ASIC2: variants seen among roughly 807,000 people sequenced by gnomAD.
The protein encoded by ASIC2 is acid sensing ion channel subunit 2, also known as acid-sensing ion channel 2.
In ASIC2, 25 loss-of-function variants were observed where a neutral mutation model predicts 57.3. The observed-to-expected ratio is 0.44, with a 90% CI of 0.32 to 0.61. The LOEUF is 0.61. Ranked by LOEUF, ASIC2 falls within the 20% of genes least tolerant of loss-of-function variation. The pLI, the probability that ASIC2 is intolerant of heterozygous loss-of-function variation, is 0.06. For missense variants in ASIC2, 641 were observed against 738.1 expected, an observed-to-expected ratio of 0.87 and a Z score of 1.52; for synonymous variants, 319 against 307.5, an observed-to-expected ratio of 1.04 and a Z score of -0.39.
chr17:33,412,923 G>C (rs546106800), intron 1 of ASIC2, among the ~76,000 whole-genome samples: 65 of 152,322 alleles, frequency 4.3e-4, no homozygotes, highest in Non-Finnish European at 6.5e-4. Context: ...GATGAGAAGA[G>C]CGTGCAAGGA....
At chr17:33,422,129 G>A (rs1911064883) in intron 1 of ASIC2, among the ~76,000 whole-genome samples, 1 of 152,144 alleles carries the variant, frequency 6.6e-6, no homozygotes, top group African/African-American at 2.4e-5. Context: ...AAAATCACTC[G>A]CTTCCTGAGC....
intron 1 of ASIC2, among the ~76,000 whole-genome samples, chr17:33,471,394 A>G (rs1487338247): frequency 3.3e-5 from 5 of 152,200 alleles, no homozygotes; most frequent in Non-Finnish European, 5.9e-5. Flanking sequence ...GTGGGATTTC[A>G]TTAATTATTT....
At chr17:33,721,741 T>A (rs1269192305) in intron 1 of ASIC2, among the ~76,000 whole-genome samples, 2 of 152,224 alleles carry the variant, frequency 1.3e-5, no homozygotes, top group African/African-American at 4.8e-5. Context: ...AAGATGCTAT[T>A]TGAATAGAGG....
intron 1 of ASIC2, among the ~76,000 whole-genome samples, chr17:33,347,336 G>A (rs1907988135): frequency 6.6e-6 from 1 of 152,196 alleles, no homozygotes; most frequent in Admixed American, 6.5e-5. Flanking sequence ...GAGTATGTGT[G>A]TAAGTATTTT....
Position 33,656,763 on chromosome 17 carries a change from A to G in ASIC2, c.555+499215T>C, listed in dbSNP as rs190573328. Among the ~76,000 whole-genome samples the G allele has an allele frequency of 6.0e-3, 908 of 152,236 alleles. 9 individuals carry two copies. Among genetic ancestry groups the G allele is most frequent in the Non-Finnish European group, 0.011 (721 of 68,024 alleles). ...CTTTATCCCCTCCTGAGTTATAATC[A>G]TCTGTTTACTTACTTGTTTCTCTAA... On this transcript the variant is annotated intron_variant, in intron 1 of 9. Transcript: ENST00000359872.
chr17:33,977,304 A>G (rs996917919), intron 1 of ASIC2, among the ~76,000 whole-genome samples: 1 of 152,218 alleles, frequency 6.6e-6, no homozygotes, highest in Non-Finnish European at 1.5e-5. Context: ...AAAGTGCTGA[A>G]TAATGAAACC....
intron 1 of ASIC2, among the ~76,000 whole-genome samples, chr17:33,550,929 G>C (rs1000018406): frequency 3.3e-5 from 5 of 152,148 alleles, no homozygotes; most frequent in Non-Finnish European, 7.3e-5. Context: ...AATTGTAGTG[G>C]AACAAGAACG....
intron 1 of ASIC2, among the ~76,000 whole-genome samples, chr17:34,026,599 G>T (rs981957107): frequency 1.3e-5 from 2 of 152,068 alleles, no homozygotes; most frequent in African/African-American, 2.4e-5. Flanking sequence ...TAATTTCATT[G>T]TTCCTCATTG....
intron 1 of ASIC2, among the ~76,000 whole-genome samples, chr17:34,142,368 A>G (rs1912294467): frequency 1.3e-5 from 2 of 152,192 alleles, no homozygotes; most frequent in South Asian, 4.1e-4. Flanking sequence ...AAAGAGACAG[A>G]AATACATATA....
At chr17:33,241,354 TC>T (rs1359317729) in intron 1 of ASIC2, among the ~76,000 whole-genome samples, 2 of 152,242 alleles carry the variant, frequency 1.3e-5, no homozygotes, top group Non-Finnish European at 2.9e-5. Flanking sequence ...GCTATTTCAT[TC>T]ACGTGGTGGG....
intron 1 of ASIC2, among the ~76,000 whole-genome samples, chr17:33,671,389 A>ACTT (rs1407189612): frequency 6.6e-6 from 1 of 152,216 alleles, no homozygotes; most frequent in African/African-American, 2.4e-5. Flanking sequence ...TGCCTGTGAT[A>ACTT]CTTCCAAACA....
chr17:33,556,808 A>G (rs1230378935), intron 1 of ASIC2, among the ~76,000 whole-genome samples: 1 of 152,228 alleles, frequency 6.6e-6, no homozygotes, highest in East Asian at 1.9e-4. Flanking sequence ...CATAAAAAGA[A>G]GCCATTGATC....
At chr17:33,797,685 G>A (rs1201341763) in intron 1 of ASIC2, among the ~76,000 whole-genome samples, 1 of 152,164 alleles carries the variant, frequency 6.6e-6, no homozygotes, top group Non-Finnish European at 1.5e-5. Flanking sequence ...GCCTGACCAA[G>A]GTAATTTGCT....
At chr17:33,132,391 G>C (rs115735868) in intron 1 of ASIC2, among the ~76,000 whole-genome samples, 7 of 152,262 alleles carry the variant, frequency 4.6e-5, no homozygotes, top group African/African-American at 1.7e-4. Context: ...TAGAATGGCA[G>C]TGAGTAGGTC....
At chr17:33,807,049 A>G (rs1316928457) in intron 1 of ASIC2, among the ~76,000 whole-genome samples, 2 of 152,118 alleles carry the variant, frequency 1.3e-5, no homozygotes, top group Non-Finnish European at 2.9e-5. Context: ...TCGGAGGCAG[A>G]AGGGAACCAC....
At chr17:33,208,323 C>T (rs1907146173) in intron 1 of ASIC2, among the ~76,000 whole-genome samples, 1 of 152,168 alleles carries the variant, frequency 6.6e-6, no homozygotes, top group African/African-American at 2.4e-5. Context: ...TAAATCCCCT[C>T]CCCTGGCCAT....
At chr17:33,565,451 G>GTCCC (rs1269137400) in intron 1 of ASIC2, among the ~76,000 whole-genome samples, 1 of 152,234 alleles carries the variant, frequency 6.6e-6, no homozygotes. Context: ...CACCTCTGCA[G>GTCCC]TCCCTGTACC....
At chr17:33,218,731 C>T (rs1362115390) in intron 1 of ASIC2, among the ~76,000 whole-genome samples, 2 of 152,296 alleles carry the variant, frequency 1.3e-5, no homozygotes, top group East Asian at 3.9e-4. Flanking sequence ...GACTTAAAAA[C>T]CCATTTTCCC....
intron 1 of ASIC2, among the ~76,000 whole-genome samples, chr17:33,945,371 G>T (rs1423125483): frequency 2.6e-5 from 4 of 151,946 alleles, no homozygotes. Context: ...CAGCACTAGG[G>T]TCATGACCAG....
Sources: gnomAD v4.1 joint callset for allele counts (sites outside exome capture counted in the v4.1 genomes callset) on GRCh38, gnomAD v4.1.1 for gene constraint, MANE v1.5 for transcripts, NCBI Gene and HGNC (gene_info 2026-07-23, HGNC 2026-07-21) for gene names.